The following C12orf54 variants were observed in gnomAD, a reference collection of about 807,000 sequenced individuals.
The protein encoded by C12orf54 is chromosome 12 open reading frame 54.
In C12orf54, 24 loss-of-function variants were observed where a neutral mutation model predicts 26.4. The observed-to-expected ratio is 0.91, with a 90% CI of 0.66 to 1.28. The LOEUF is 1.28. Ranked by LOEUF, C12orf54 falls within the 50% of genes most tolerant of loss-of-function variation. C12orf54 has a pLI of 0.00. For synonymous variants in C12orf54, 54 were observed against 47.0 expected (o/e 1.15, Z -0.61); for missense variants, 154 against 150.9 (o/e 1.02, Z -0.11).
chr12:48,474,634 C>T, the C12orf54 span, among the ~76,000 whole-genome samples: 3 of 152,222 alleles, frequency 2.0e-5, no homozygotes, highest in Non-Finnish European at 4.4e-5. Context: ...CACAGAGTCT[C>T]GCTCATTGCT....
chr12:48,486,124 C>T, intron 2 of C12orf54, 54 bp from the exon 3 acceptor site: 1 of 1,522,800 alleles, frequency 6.6e-7, no homozygotes, highest in Non-Finnish European at 9.1e-7. Flanking sequence ...TAGGAGAAGG[C>T]TTTAGCCCAC....
chr12:48,492,455 C>T (rs936186965), intron 6 of C12orf54, among the ~76,000 whole-genome samples: 3 of 152,148 alleles, frequency 2.0e-5, no homozygotes, highest in African/African-American at 7.2e-5. Flanking sequence ...CCAAATAGGT[C>T]CCTGCAGGGC....
the C12orf54 span, among the ~76,000 whole-genome samples, chr12:48,435,689 T>C: frequency 9.7e-4 from 147 of 152,184 alleles, no homozygotes; most frequent in African/African-American, 3.5e-3. Flanking sequence ...AGAAATAAAA[T>C]CCTTTACAGA....
At chr12:48,430,149 T>C in the C12orf54 span, among the ~76,000 whole-genome samples, 3 of 152,122 alleles carry the variant, frequency 2.0e-5, no homozygotes, top group Non-Finnish European at 4.4e-5. Context: ...ATACAAAAAT[T>C]AACTCAAGAT....
At chr12:48,488,426 T>C in intron 4 of C12orf54, 1 of 428,486 alleles carries the variant, frequency 2.3e-6, no homozygotes, top group Admixed American at 3.1e-5. Flanking sequence ...ATGGATGTGG[T>C]CATCTACCTC....
chr12:48,473,346 C>G, the C12orf54 span: 5 of 1,157,410 alleles, frequency 4.3e-6, no homozygotes, highest in Middle Eastern at 3.9e-4. Context: ...TGAAGAAGAG[C>G]TTGGTGAAGA....
At chr12:48,431,717 GA>G in the C12orf54 span, among the ~76,000 whole-genome samples, 2 of 152,148 alleles carry the variant, frequency 1.3e-5, no homozygotes, top group Non-Finnish European at 2.9e-5. Context: ...ATACAAAGAT[GA>G]ATGAAAGCAT....
chr12:48,494,502 G>A (rs1367571708), intron 7 of C12orf54, among the ~76,000 whole-genome samples: 1 of 152,172 alleles, frequency 6.6e-6, no homozygotes, highest in Non-Finnish European at 1.5e-5. Context: ...CCTTTCAGAT[G>A]TATGATATTA....
the C12orf54 span, among the ~76,000 whole-genome samples, chr12:48,466,866 A>C: frequency 1.3e-5 from 2 of 152,280 alleles, no homozygotes; most frequent in East Asian, 3.9e-4. Context: ...TATCCATACA[A>C]AAATTTGTGA....
the C12orf54 span, among the ~76,000 whole-genome samples, chr12:48,474,372 T>G: frequency 2.0e-5 from 3 of 152,152 alleles, no homozygotes; most frequent in East Asian, 5.8e-4. Flanking sequence ...TTCATCTCAC[T>G]GGGGAGTGCC....
chr12:48,453,388 G>T, the C12orf54 span, among the ~76,000 whole-genome samples: 1 of 151,422 alleles, frequency 6.6e-6, no homozygotes, highest in Non-Finnish European at 1.5e-5. Context: ...GCTAGTGGAT[G>T]CTGAGCTTAA....
At chr12:48,483,828 G>A (rs1954227444) in intron 2 of C12orf54, among the ~76,000 whole-genome samples, 1 of 152,176 alleles carries the variant, frequency 6.6e-6, no homozygotes. Flanking sequence ...TATGGGTCAG[G>A]AAAGCTTCAT....
chr12:48,441,785 G>T, the C12orf54 span, among the ~76,000 whole-genome samples: 1 of 152,146 alleles, frequency 6.6e-6, no homozygotes, highest in Non-Finnish European at 1.5e-5. Context: ...GACTAGGACT[G>T]AACTGGTATC....
chr12:48,471,517 A>G, the C12orf54 span, among the ~76,000 whole-genome samples: 151,314 of 152,336 alleles, frequency 0.99, 75,158 homozygotes, highest in Middle Eastern at 1. Context: ...GTTAGTTTTT[A>G]TGTATGGTGA....
At chr12:48,451,367 A>G in the C12orf54 span, among the ~76,000 whole-genome samples, 1 of 152,116 alleles carries the variant, frequency 6.6e-6, no homozygotes, top group Non-Finnish European at 1.5e-5. Context: ...CATATGACAA[A>G]CCCACAGCCA....
chr12:48,434,628 C>T, the C12orf54 span, among the ~76,000 whole-genome samples: 35 of 152,262 alleles, frequency 2.3e-4, no homozygotes, highest in African/African-American at 7.5e-4. Flanking sequence ...CTGCAGCCAC[C>T]GCTGCTGATA....
upstream of C12orf54, among the ~76,000 whole-genome samples, chr12:48,479,054 C>T (rs536752557): frequency 6.6e-6 from 1 of 152,292 alleles, no homozygotes; most frequent in East Asian, 1.9e-4. Flanking sequence ...TATAAAGATA[C>T]ATGCACACGT....
chr12:48,488,593 C>T (rs993499469), intron 4 of C12orf54: 1 of 394,596 alleles, frequency 2.5e-6, no homozygotes, highest in Non-Finnish European at 4.6e-6. Flanking sequence ...ATTTGAATAC[C>T]TATGCTAAGC....
chr12:48,483,784 G>T lies in C12orf54; in HGVS notation c.65+423G>T, dbSNP rs559903239. ...ATGAGACCCAGGTGATGGTATCCAT[G>T]AAGTCAGAAAAGAAGGAGGGTTTAC... is the stretch of plus-strand genomic sequence containing the variant. On this transcript the variant is annotated intron_variant, in intron 2 of 8. Transcript: ENST00000548364. 1.8e-4 allele frequency among the ~76,000 whole-genome samples: 27 copies of T among 152,294 alleles called. No individual in the cohort carries two copies. The South Asian group carries it at 5.4e-3, about 30-fold the overall frequency.
Sources: allele counts gnomAD v4.1 joint callset (sites outside exome capture counted in the v4.1 genomes callset), GRCh38; gene constraint gnomAD v4.1.1; transcripts MANE v1.5; gene names NCBI Gene and HGNC (gene_info 2026-07-23, HGNC 2026-07-21).